Variants in SGK1 observed in about 807,000 individuals in gnomAD.
SGK1 encodes serine/threonine-protein kinase Sgk1.
In SGK1, 26 loss-of-function variants were observed where a neutral mutation model predicts 64.2. The observed-to-expected ratio is 0.40, with a 90% CI of 0.30 to 0.56. The LOEUF (loss-of-function observed/expected upper bound fraction) is 0.56. Ranked by LOEUF, SGK1 falls within the 20% of genes least tolerant of loss-of-function variation. The pLI, the probability that SGK1 is intolerant of heterozygous loss-of-function variation, is 0.38. For synonymous variants in SGK1, 265 were observed against 239.7 expected (o/e 1.11, Z -0.98); for missense variants, 519 against 645.6 (o/e 0.80, Z 2.12).
Position 134,204,714 on chromosome 6 carries a change from C to T in SGK1, c.361+2642G>A, listed in dbSNP as rs1048513410. Among the ~76,000 whole-genome samples the T allele has an allele frequency of 4.6e-5, 7 of 152,116 alleles. No individual in the cohort carries two copies. In the South Asian group the frequency reaches 6.2e-4, roughly 14 times the overall value. On this transcript the variant is annotated intron_variant, in intron 3 of 13. Coordinates refer to ENST00000367858, the MANE Select transcript of SGK1 (RefSeq NM_001143676.3). ...GATTACAGGCACGTGCCACACCTCCCGGCTAATTTGTGTATTTTTAGTAGA... is the reference window on the plus strand; with the variant it reads ...GATTACAGGCACGTGCCACACCTCCTGGCTAATTTGTGTATTTTTAGTAGA...
chr6:134,267,226 T>G (rs1449400115), intron 1 of SGK1, among the ~76,000 whole-genome samples: 1 of 152,200 alleles, frequency 6.6e-6, no homozygotes, highest in Admixed American at 6.5e-5. Flanking sequence ...TGTTTTTTAT[T>G]TTTATATTTT....
rs553327229 is a variant in SGK1, at chr6:134,196,474, TTAAAATAATAATAA to T, written c.361+10868_361+10881del. On this transcript the variant is annotated intron_variant, in intron 3 of 13. Coordinates refer to ENST00000367858, the MANE Select transcript of SGK1 (RefSeq NM_001143676.3). ...AAATAATAATTTACCCTAAAAAAAA[TTAAAATAATAATAA>T]TAAAATAATAATAATTTGCCCAAAG... Among the ~76,000 whole-genome samples the T allele has an allele frequency of 1.4e-3, 205 of 151,770 alleles. 2 individuals carry two copies. Among genetic ancestry groups the T allele is most frequent in the Middle Eastern group, 6.8e-3 (2 of 294 alleles).
At chr6:134,210,559 C>T (rs911475072) in intron 2 of SGK1, among the ~76,000 whole-genome samples, 1 of 152,142 alleles carries the variant, frequency 6.6e-6, no homozygotes, top group Non-Finnish European at 1.5e-5. Context: ...GGTGCAGTGG[C>T]TCACACCTGT....
In SGK1 at chr6:134,170,305, C is replaced by G; in HGVS notation, c.1544G>C (p.Gly515Ala). The change falls in exon 14 of 14, where the codon GGC becomes GCC. Residue 515 changes from glycine (G) to alanine (A), a missense_variant. By Grantham distance (60) the Gly-to-Ala change is moderately conservative (BLOSUM62 0). This residue lies in a region of SGK1 where 278 missense variants were observed against 408.7 expected (regional missense o/e 0.68). Transcript: ENST00000367858. The stretch of plus-strand genomic sequence containing the variant: ...GTCCGTGGGAGGCGCATAGGAAAAG[C>G]CTAGGAAAGCCTCGGCAGCTTCCTT... ...SVKEAAEAFL[G>A]FSYAPPTDSF... The G allele has an allele frequency of 6.2e-7, 1 of 1,613,764 alleles. No homozygotes were observed.
rs1206978945 is a variant in SGK1 at position 134,170,203 on chromosome 6, C to T, written c.*65G>A. ...ATGTCCTGTCAGCTGGCGGCTCCACCAAAAGGCTAACTAAAACATTCGGAA... is the reference window on the plus strand; with the variant it reads ...ATGTCCTGTCAGCTGGCGGCTCCACTAAAAGGCTAACTAAAACATTCGGAA... On this transcript the variant is annotated 3_prime_UTR_variant, in exon 14 of 14. Transcript: ENST00000367858. 1.4e-6 allele frequency: 2 copies of T among 1,438,982 alleles called. No individual in the cohort carries two copies. Among genetic ancestry groups the T allele is most frequent in the African/African-American group, 2.8e-5 (2 of 70,750 alleles). The allele number at this position is 1,438,982 out of a possible 1,614,324, so 89.1% of individuals were successfully genotyped here.
intron 3 of SGK1, among the ~76,000 whole-genome samples, chr6:134,190,265 T>A (rs1775488691): frequency 6.6e-6 from 1 of 151,044 alleles, no homozygotes; most frequent in Non-Finnish European, 1.5e-5. Flanking sequence ...GGCCCTGTCA[T>A]ACATAGTTCC....
intron 1 of SGK1, among the ~76,000 whole-genome samples, chr6:134,295,981 A>C (rs1033588994): frequency 6.6e-6 from 1 of 152,214 alleles, no homozygotes; most frequent in Non-Finnish European, 1.5e-5. Context: ...AGAACAAAGA[A>C]GTTCACTTCA....
intron 1 of SGK1, among the ~76,000 whole-genome samples, chr6:134,301,577 T>TCTTCTCTTCC (rs1235361156): frequency 7.2e-6 from 1 of 139,686 alleles, no homozygotes; most frequent in African/African-American, 2.6e-5. Context: ...TCTTCTCTTC[T>TCTTCTCTTCC]CTTCTCTTCC....
Position 134,170,417 on chromosome 6 carries a change from G to A in SGK1, c.1432C>T (p.Arg478Trp), listed in dbSNP as rs933783252. Residue 478 changes from arginine (R) to tryptophan (W), a missense_variant, in exon 14 of 14, where the codon CGG (arginine) becomes TGG (tryptophan). Arg to Trp is a moderately radical substitution (Grantham distance 101). Around this residue, in one of 2 missense-constraint regions of SGK1, gnomAD observed 278 missense variants for 408.7 expected, o/e 0.68. Transcript: ENST00000367858. ...NPNVSGPNDL[R>W]HFDPEFTEEP... ...TCGGTAAACTCGGGGTCAAAGTGCC[G>A]TAGGTCGTTGGGCCCACTCTGTGAC... The A allele has an allele frequency of 6.8e-6, 11 of 1,613,130 alleles. No homozygotes were observed. The highest frequency in any genetic ancestry group is 1.7e-5 in the Admixed American group (1 of 59,984).
intron 1 of SGK1, among the ~76,000 whole-genome samples, chr6:134,280,231 C>T (rs1777073941): frequency 6.6e-6 from 1 of 151,030 alleles, no homozygotes; most frequent in Admixed American, 6.6e-5. Context: ...TTGTTTCTTC[C>T]TGGCCCATTC....
At chr6:134,230,032 T>C (rs1437485085) in intron 2 of SGK1, among the ~76,000 whole-genome samples, 2 of 152,128 alleles carry the variant, frequency 1.3e-5, no homozygotes, top group Non-Finnish European at 2.9e-5. Flanking sequence ...GATATACAGC[T>C]GGGTGGTAAT....
chr6:134,255,247 A>C (rs1192219671), intron 2 of SGK1, among the ~76,000 whole-genome samples: 1 of 152,204 alleles, frequency 6.6e-6, no homozygotes, highest in East Asian at 1.9e-4. Context: ...CTACAAGTTT[A>C]TAATTTTGTT....
intron 1 of SGK1, among the ~76,000 whole-genome samples, chr6:134,306,911 A>AGG (rs200092699): frequency 0.061 from 6,509 of 106,138 alleles, 332 homozygotes; most frequent in African/African-American, 0.076. Flanking sequence ...AAGAAATAAA[A>AGG]GGGGGGGGGG....
intron 2 of SGK1, among the ~76,000 whole-genome samples, chr6:134,210,495 C>T (rs1775870878): frequency 6.6e-6 from 1 of 152,112 alleles, no homozygotes; most frequent in Admixed American, 6.6e-5. Flanking sequence ...TGCTGTACAA[C>T]ATGGTGCCTA....
intron 2 of SGK1, among the ~76,000 whole-genome samples, chr6:134,243,477 C>T (rs1173923363): frequency 1.3e-5 from 2 of 152,102 alleles, no homozygotes; most frequent in Non-Finnish European, 2.9e-5. Flanking sequence ...TCAAGCGATT[C>T]CCCTGCCTCA....
intron 1 of SGK1, among the ~76,000 whole-genome samples, chr6:134,310,078 T>G (rs1777588111): frequency 1.4e-5 from 2 of 144,848 alleles, no homozygotes; most frequent in East Asian, 2.3e-4. Context: ...ACCCCCCACG[T>G]TCCTCACTCC....
At chr6:134,176,214 G>A (rs1039148406) in intron 3 of SGK1, among the ~76,000 whole-genome samples, 17 of 152,132 alleles carry the variant, frequency 1.1e-4, no homozygotes, top group Admixed American at 1.1e-3. Flanking sequence ...TGAAAACCCT[G>A]CAGGTCATGA....
chr6:134,234,898 A>T (rs1047415398), intron 2 of SGK1, among the ~76,000 whole-genome samples: 4 of 152,178 alleles, frequency 2.6e-5, no homozygotes, highest in Non-Finnish European at 5.9e-5. Flanking sequence ...AATAAATAAG[A>T]CTAATTGGAA....
intron 3 of SGK1, among the ~76,000 whole-genome samples, chr6:134,185,242 TTTTC>T (rs1775402780): frequency 6.6e-6 from 1 of 152,230 alleles, no homozygotes; most frequent in Non-Finnish European, 1.5e-5. Context: ...TCATAGACTG[TTTTC>T]TTTCTGTCTT....
Sources: gnomAD v4.1 joint callset for allele counts (sites outside exome capture counted in the v4.1 genomes callset) on GRCh38, gnomAD v4.1.1 for gene constraint, gnomAD v4.1.1 regional missense constraint, MANE v1.5 for transcripts, NCBI Gene and HGNC (gene_info 2026-07-23, HGNC 2026-07-21) for gene names.